Variants in PCNX4 observed in about 807,000 individuals in gnomAD.
PCNX4 encodes pecanex-like protein 4.
In PCNX4, 103 loss-of-function variants were observed where a neutral mutation model predicts 107.2. That is an observed-to-expected ratio of 0.96 (90% CI 0.82 to 1.13). PCNX4 has a LOEUF of 1.13. Among genes scored for constraint, PCNX4 ranks in the 50% most tolerant of loss-of-function variants. The pLI is 0.00. For missense variants in PCNX4, 1,528 were observed against 1,379.4 expected (o/e 1.11, Z -1.71); for synonymous variants, 541 against 481.7 (o/e 1.12, Z -1.61).
intron 1 of PCNX4, among the ~76,000 whole-genome samples, chr14:60,097,456 G>A (rs573516477): frequency 2.6e-5 from 4 of 152,282 alleles, no homozygotes; most frequent in South Asian, 4.1e-4. Flanking sequence ...GCACCTTCAG[G>A]GTGGAATATC....
At chr14:60,099,519 C>G (rs936985630) in intron 1 of PCNX4, among the ~76,000 whole-genome samples, 2 of 152,056 alleles carry the variant, frequency 1.3e-5, no homozygotes, top group African/African-American at 4.8e-5. Flanking sequence ...CTACCAAAAA[C>G]AGTTATTTGA....
intron 6 of PCNX4, 129 bp from the exon 7 acceptor site, chr14:60,118,200 G>T: frequency 7.9e-7 from 1 of 1,271,654 alleles, no homozygotes; most frequent in African/African-American, 1.5e-5. Context: ...AAAAATCAAA[G>T]AATAAGATTT....
Position 60,107,917 on chromosome 14 carries a change from C to A in PCNX4, c.279C>A (p.Tyr93Ter). The A allele has an allele frequency of 1.2e-6, 2 of 1,612,780 alleles. No individual in the cohort carries two copies. The highest frequency in any genetic ancestry group is 2.2e-5 in the South Asian group (2 of 91,074). The change falls in exon 2 of 11, where the codon TAC becomes TAA. Residue 93 changes from tyrosine (Y) to a stop codon, truncating the protein, a stop_gained. Transcript: ENST00000406854. LOFTEE classifies it high-confidence loss of function. ...TAFVIQFTSL[Y>*]AKNKSTTVER... is the part of the protein sequence containing the mutation. ...TTGTCATCCAGTTCACAAGTTTATA[C>A]GCCAAAAACAAATCAACAACAGTAG...
At position 60,124,319 on chromosome 14, in the gene PCNX4, C is replaced by T. The variant is rs778202805; in HGVS notation, c.2148C>T (p.Ser716=). The change falls in exon 9 of 11, where the codon TCC becomes TCT. Residue 716 remains serine, a synonymous_variant. Coordinates refer to ENST00000406854, the MANE Select transcript of PCNX4 (RefSeq NM_001330177.2). ...AGCAAGAATACACAAGAGTATGTTC[C>T]CTTAATGAACACTTTGGAAATGTCT... ...AFEQEYTRVC[S]LNEHFGNVLT... is the part of the protein sequence containing the mutation. 2 of 1,611,788 alleles carry T rather than the reference C, an allele frequency of 1.2e-6. No individual in the cohort carries two copies. Among genetic ancestry groups the T allele is most frequent in the South Asian group, 2.2e-5 (2 of 90,840 alleles).
Position 60,144,773 on chromosome 14 carries a change from A to T in PCNX4, c.*10552A>T. 1.7e-6 allele frequency: 1 copy of T among 588,342 alleles called. No individual in the cohort carries two copies. The highest frequency in any genetic ancestry group is 3.0e-5 in the East Asian group (1 of 33,440). The allele number at this position is 588,342 out of a possible 1,614,324, so 36.4% of individuals were successfully genotyped here. ...TTATCCAAGAATATAGTATGAGTTA[A>T]TACCTTTTTTGCAAGATTCATGGCA... is the stretch of plus-strand genomic sequence containing the variant. On this transcript the variant is annotated 3_prime_UTR_variant, in exon 11 of 11. Coordinates refer to ENST00000406854, the MANE Select transcript of PCNX4 (RefSeq NM_001330177.2).
At chr14:60,113,664 C>T (rs754197586) in intron 2 of PCNX4, among the ~76,000 whole-genome samples, 19 of 152,022 alleles carry the variant, frequency 1.2e-4, no homozygotes, top group Non-Finnish European at 1.9e-4. Flanking sequence ...CCACTGCGCC[C>T]GGCCCCAGAA....
intron 10 of PCNX4, 73 bp downstream of exon 10, chr14:60,125,896 CTAAG>C (rs1896047003): frequency 1.0e-6 from 1 of 963,108 alleles, no homozygotes; most frequent in African/African-American, 1.7e-5. Context: ...AGTATTTGAA[CTAAG>C]TGATAAATGA....
intron 1 of PCNX4, among the ~76,000 whole-genome samples, chr14:60,095,573 G>A (rs1257812052): frequency 6.6e-6 from 1 of 152,132 alleles, no homozygotes; most frequent in Non-Finnish European, 1.5e-5. Context: ...AAATGAGTTT[G>A]GGGTCCCAAA....
chr14:60,126,769 T>C (rs1350906424), intron 10 of PCNX4, among the ~76,000 whole-genome samples: 2 of 152,216 alleles, frequency 1.3e-5, no homozygotes, highest in African/African-American at 4.8e-5. Context: ...GATTCCCTTC[T>C]GGCCAACCGC....
chr14:60,124,687 A>G lies in PCNX4; in HGVS notation c.2516A>G (p.Glu839Gly), dbSNP rs1398540034. The change falls in exon 9 of 11, where the codon GAA (glutamate) becomes GGA (glycine). Residue 839 changes from glutamate to glycine, a missense_variant. By Grantham distance (98) the Glu-to-Gly change is moderately conservative. Transcript: ENST00000406854. ...DEPTIKKVIE[E>G]KHQLKDLPGT... ...CCAACTATCAAAAAAGTAATAGAAGAAAAACATCAGTTGAAAGATTTGCCA... is the reference window on the plus strand; with the variant it reads ...CCAACTATCAAAAAAGTAATAGAAGGAAAACATCAGTTGAAAGATTTGCCA... 7 of 1,613,296 alleles carry G rather than the reference A, an allele frequency of 4.3e-6. No individual in the cohort carries two copies. Among genetic ancestry groups the G allele is most frequent in the Non-Finnish European group, 5.9e-6 (7 of 1,179,740 alleles).
intron 10 of PCNX4, among the ~76,000 whole-genome samples, chr14:60,129,419 G>A (rs1193048952): frequency 1.3e-5 from 2 of 152,020 alleles, no homozygotes; most frequent in African/African-American, 2.4e-5. Context: ...AAGTGTGGTG[G>A]CGTGCATTTG....
intron 4 of PCNX4, 63 bp downstream of exon 4, chr14:60,115,524 T>C (rs568638092): frequency 4.1e-6 from 6 of 1,472,484 alleles, no homozygotes; most frequent in Admixed American, 2.3e-5. Context: ...TTCAAAAATA[T>C]TACTCAATTC....
chr14:60,134,428 T>G lies in PCNX4; in HGVS notation c.*207T>G. 2 of 567,980 alleles carry G rather than the reference T, an allele frequency of 3.5e-6. No individual in the cohort carries two copies. Among genetic ancestry groups the G allele is most frequent in the Non-Finnish European group, 3.0e-6 (1 of 337,526 alleles). The allele number at this position is 567,980 out of a possible 1,614,324, so 35.2% of individuals were successfully genotyped here. A position where few individuals can be genotyped will look rare whatever the true frequency, so the allele number is the denominator to read the frequency against. On this transcript the variant is annotated 3_prime_UTR_variant, in exon 11 of 11. Coordinates refer to ENST00000406854, the MANE Select transcript of PCNX4 (RefSeq NM_001330177.2). ...ATCTTTATGTCTAAGATAAAAGAAC[T>G]ATTTGGCCAATATTTGTGCCCTCTG... is the stretch of plus-strand genomic sequence containing the variant.
rs1566526429 is a variant in PCNX4 at position 60,142,814 on chromosome 14, C to T, written c.*8593C>T. 1 of 151,968 alleles carries T rather than the reference C, an allele frequency of 6.6e-6. No homozygotes were observed. Among genetic ancestry groups the T allele is most frequent in the African/African-American group, 2.4e-5 (1 of 41,336 alleles). 9.4% of individuals were successfully genotyped at this position (151,968 alleles called of 1,614,324 possible). Reference sequence around the variant, plus strand: ...CCCCGTCTCTACTAAAAATACAAAACTTAGCCGGGCATGGTGGTGCACACC... The same window carrying T: ...CCCCGTCTCTACTAAAAATACAAAATTTAGCCGGGCATGGTGGTGCACACC... On this transcript the variant is annotated 3_prime_UTR_variant, in exon 11 of 11. Transcript: ENST00000406854. This position sits in a 1 kb window ranked among gnomAD's most constrained non-coding sequence, Gnocchi z 4.7.
At position 60,141,946 on chromosome 14, in the gene PCNX4, T is replaced by C. The variant is rs1896310336; in HGVS notation, c.*7725T>C. ...TATATTTAAATTTTTAAGGAACTGCTAAAAGTCTTTTTCAAGTTAATTGTA... is the reference window on the plus strand; with the variant it reads ...TATATTTAAATTTTTAAGGAACTGCCAAAAGTCTTTTTCAAGTTAATTGTA... On this transcript the variant is annotated 3_prime_UTR_variant, in exon 11 of 11. Transcript: ENST00000406854. 1 of 152,246 alleles carries C rather than the reference T, an allele frequency of 6.6e-6. No homozygotes were observed. The highest frequency in any genetic ancestry group is 2.1e-4 in the South Asian group (1 of 4,834). 9.4% of individuals were successfully genotyped at this position (152,246 alleles called of 1,614,324 possible). A position where few individuals can be genotyped will look rare whatever the true frequency, so the allele number is the denominator to read the frequency against.
In PCNX4 at chr14:60,139,443, T is replaced by C. The variant is rs1197618365; in HGVS notation, c.*5222T>C. 6.6e-6 allele frequency: 1 copy of C among 152,132 alleles called. No homozygotes were observed. Among genetic ancestry groups the C allele is most frequent in the Non-Finnish European group, 1.5e-5 (1 of 67,954 alleles). 9.4% of individuals were successfully genotyped at this position (152,132 alleles called of 1,614,324 possible). On this transcript the variant is annotated 3_prime_UTR_variant, in exon 11 of 11. Transcript: ENST00000406854. ...TTCAACAGGTCTAATATTTTAATGA[T>C]TTAACAATATAGCCTCAAATATATA...
chr14:60,095,425 C>G (rs1895405230), intron 1 of PCNX4, among the ~76,000 whole-genome samples: 1 of 152,134 alleles, frequency 6.6e-6, no homozygotes, highest in African/African-American at 2.4e-5. Flanking sequence ...GAAATTTTAG[C>G]TCACTGGGAA....
At position 60,141,732 on chromosome 14, in the gene PCNX4, G is replaced by A. The variant is rs2140577927; in HGVS notation, c.*7511G>A. ...TCATTATTTTTTATCGCTGAGTAGT[G>A]CTGCATGGTATAGAATATAACAGTT... is the stretch of plus-strand genomic sequence containing the variant. On this transcript the variant is annotated 3_prime_UTR_variant, in exon 11 of 11. Transcript: ENST00000406854. The A allele has an allele frequency of 6.6e-6, 1 of 152,264 alleles. No individual in the cohort carries two copies. The highest frequency in any genetic ancestry group is 2.1e-4 in the South Asian group (1 of 4,820). The allele number at this position is 152,264 out of a possible 1,614,324, so 9.4% of individuals were successfully genotyped here. A position where few individuals can be genotyped will look rare whatever the true frequency, so the allele number is the denominator to read the frequency against.
chr14:60,112,090 C>G (rs1895750794), intron 2 of PCNX4, among the ~76,000 whole-genome samples: 2 of 152,152 alleles, frequency 1.3e-5, no homozygotes, highest in African/African-American at 4.8e-5. Context: ...TAATATTTTC[C>G]TTCCCCATTC....
Sources: allele counts gnomAD v4.1 joint callset (sites outside exome capture counted in the v4.1 genomes callset), GRCh38; gene constraint gnomAD v4.1.1; non-coding constraint Gnocchi (gnomAD v3.1); transcripts MANE v1.5; gene names NCBI Gene and HGNC (gene_info 2026-07-23, HGNC 2026-07-21).